Variants in RAB11FIP3 observed in about 807,000 individuals in gnomAD.
RAB11FIP3 encodes RAB11 family interacting protein 3, also known as rab11 family-interacting protein 3.
A neutral mutation model predicts 77.8 loss-of-function variants in RAB11FIP3; 17 were observed. The ratio of observed to expected loss-of-function variants is 0.22; its 90% confidence interval spans 0.15 to 0.33. The LOEUF (loss-of-function observed/expected upper bound fraction) is 0.33. Among genes scored for constraint, RAB11FIP3 ranks in the 10% least tolerant of loss-of-function variants. The probability of loss-of-function intolerance (pLI) is 1.00; values close to 1 mark genes in which losing one functional copy is unlikely to be tolerated. For missense variants in RAB11FIP3, 1,005 were observed against 1,011.2 expected (o/e 0.99, Z 0.08); for synonymous variants, 437 against 448.2 (o/e 0.98, Z 0.31).
chr16:463,807 C>T (rs897470728), intron 2 of RAB11FIP3, among the ~76,000 whole-genome samples: 6 of 152,208 alleles, frequency 3.9e-5, no homozygotes, highest in Non-Finnish European at 7.3e-5. Context: ...GGGACCAGCA[C>T]GGCCTCTGCG....
chr16:443,340 A>G (rs776749132), intron 1 of RAB11FIP3, among the ~76,000 whole-genome samples: 3 of 152,258 alleles, frequency 2.0e-5, no homozygotes, highest in Non-Finnish European at 2.9e-5. Context: ...AAATAAAAAC[A>G]TGCAAAAGAA....
At chr16:497,476 GC>G (rs950884946) in intron 6 of RAB11FIP3, 1 of 1,203,678 alleles carries the variant, frequency 8.3e-7, no homozygotes, top group South Asian at 1.5e-5. Context: ...TATCTGCTTT[GC>G]CTTCCTAGTC....
chr16:463,190 C>T (rs186640395), intron 2 of RAB11FIP3, among the ~76,000 whole-genome samples: 11 of 152,218 alleles, frequency 7.2e-5, no homozygotes, highest in African/African-American at 2.4e-4. Context: ...TTTGGCCAGG[C>T]GGTGTAGGGG....
chr16:433,708 T>C (rs889023591), intron 1 of RAB11FIP3, among the ~76,000 whole-genome samples: 11 of 151,094 alleles, frequency 7.3e-5, no homozygotes, highest in Admixed American at 5.3e-4. Flanking sequence ...AAAAAAAAAT[T>C]AGCTGGGTGT....
chr16:478,702 AC>A lies in RAB11FIP3; in HGVS notation c.904-3822del, dbSNP rs2055972359. Among the ~76,000 whole-genome samples the A allele has an allele frequency of 2.0e-5, 3 of 152,210 alleles. No homozygotes were observed. The South Asian group carries it at 6.2e-4, about 31-fold the overall frequency. On this transcript the variant is annotated intron_variant, in intron 3 of 13. Transcript: ENST00000262305. Reference sequence around the variant, plus strand: ...AAATGTTGGCTGGGCACGGTGGCTCACGCCTATAATCCCAGCACTTTGGGAG... The same window carrying A: ...AAATGTTGGCTGGGCACGGTGGCTCAGCCTATAATCCCAGCACTTTGGGAG...
At chr16:503,153 C>T (rs2141856272) in intron 7 of RAB11FIP3, 56 bp downstream of exon 7, 3 of 1,423,866 alleles carry the variant, frequency 2.1e-6, no homozygotes, top group South Asian at 2.4e-5. Flanking sequence ...CACAGCCACG[C>T]CTAAGGGCCG....
intron 1 of RAB11FIP3, among the ~76,000 whole-genome samples, chr16:437,900 C>T (rs964950813): frequency 6.6e-6 from 1 of 151,674 alleles, no homozygotes; most frequent in Non-Finnish European, 1.5e-5. Context: ...ACCTCTGCCT[C>T]CTGGGTTCAA....
chr16:427,562 C>T (rs2054969832), intron 1 of RAB11FIP3, among the ~76,000 whole-genome samples: 1 of 152,240 alleles, frequency 6.6e-6, no homozygotes, highest in South Asian at 2.1e-4. Flanking sequence ...GAGATAACAG[C>T]AGGGCCGTGT....
At chr16:496,904 T>C (rs1354689993) in intron 6 of RAB11FIP3, 45 bp downstream of exon 6, 1 of 1,482,846 alleles carries the variant, frequency 6.7e-7, no homozygotes, top group Non-Finnish European at 9.3e-7. Context: ...CTGAAGTGGA[T>C]AATTAATCAT....
chr16:497,868 C>G (rs1039300590), intron 6 of RAB11FIP3, among the ~76,000 whole-genome samples: 5 of 148,374 alleles, frequency 3.4e-5, no homozygotes, highest in African/African-American at 1.3e-4. Flanking sequence ...AAGTTGTTAC[C>G]ATGAAGTTTA....
chr16:491,402 C>T (rs1211037519), intron 5 of RAB11FIP3: 3 of 950,586 alleles, frequency 3.2e-6, no homozygotes, highest in Admixed American at 3.2e-5. Context: ...TGGGGCCCCG[C>T]CTCCCACCCT....
chr16:469,340 C>T (rs2141677364), intron 2 of RAB11FIP3, among the ~76,000 whole-genome samples: 1 of 152,228 alleles, frequency 6.6e-6, no homozygotes, highest in Non-Finnish European at 1.5e-5. Flanking sequence ...TCCCAAAGTG[C>T]TGGGATTGTA....
intron 2 of RAB11FIP3, among the ~76,000 whole-genome samples, chr16:467,878 G>C (rs1211233020): frequency 5.0e-5 from 5 of 99,344 alleles, no homozygotes; most frequent in South Asian, 8.6e-4. Context: ...GTGCTGGGAC[G>C]TCAGGGAGGA....
intron 8 of RAB11FIP3, among the ~76,000 whole-genome samples, chr16:509,705 T>C (rs1178292602): frequency 6.6e-6 from 1 of 152,142 alleles, no homozygotes; most frequent in African/African-American, 2.4e-5. Context: ...GGGACTGGTC[T>C]CTATACCCAC....
intron 1 of RAB11FIP3, among the ~76,000 whole-genome samples, chr16:449,278 C>T (rs564518762): frequency 7.9e-4 from 121 of 152,264 alleles, no homozygotes; most frequent in Non-Finnish European, 1.2e-3. Flanking sequence ...TGTCACCAGG[C>T]GGGACAGAGT....
rs777946799 is a variant in RAB11FIP3, at chr16:507,598, G to C, written c.1499+1971G>C. Among the ~76,000 whole-genome samples the C allele has an allele frequency of 1.3e-5, 2 of 152,228 alleles. No individual in the cohort carries two copies. The highest frequency in any genetic ancestry group is 2.4e-5 in the African/African-American group (1 of 41,462). ...GAGGTTTCATTTGAGTCTGGAGTATGTTCATCTGTTTTCCGTGTGTGTGGT... is the reference window on the plus strand; with the variant it reads ...GAGGTTTCATTTGAGTCTGGAGTATCTTCATCTGTTTTCCGTGTGTGTGGT... On this transcript the variant is annotated intron_variant, in intron 8 of 13. Coordinates refer to ENST00000262305, the MANE Select transcript of RAB11FIP3 (RefSeq NM_014700.4). This position sits in a 1 kb window ranked among gnomAD's most constrained non-coding sequence, Gnocchi z 4.6.
intron 4 of RAB11FIP3, among the ~76,000 whole-genome samples, chr16:485,885 C>A (rs1026791760): frequency 6.6e-6 from 1 of 152,042 alleles, no homozygotes; most frequent in Non-Finnish European, 1.5e-5. Flanking sequence ...GATCTGTGAT[C>A]GCTACATAAT....
At chr16:450,543 C>G (rs943208238) in intron 1 of RAB11FIP3, among the ~76,000 whole-genome samples, 2 of 152,138 alleles carry the variant, frequency 1.3e-5, no homozygotes, top group Non-Finnish European at 2.9e-5. Context: ...GGGTCTAGGT[C>G]TGAGTCAGGG....
intron 9 of RAB11FIP3, among the ~76,000 whole-genome samples, chr16:512,432 G>A (rs938038125): frequency 6.6e-6 from 1 of 152,072 alleles, no homozygotes; most frequent in African/African-American, 2.4e-5. Context: ...AGTAGAGACG[G>A]GGTTTCACCG....
Sources: allele counts gnomAD v4.1 joint callset (sites outside exome capture counted in the v4.1 genomes callset), GRCh38; gene constraint gnomAD v4.1.1; non-coding constraint Gnocchi (gnomAD v3.1); transcripts MANE v1.5; gene names NCBI Gene and HGNC (gene_info 2026-07-23, HGNC 2026-07-21).